CFAP65: variants seen among roughly 807,000 people sequenced by gnomAD.
The protein encoded by CFAP65 is cilia and flagella associated protein 65.
CFAP65 carries 155 observed loss-of-function variants against 208.0 expected under a neutral mutation model. The ratio of observed to expected loss-of-function variants is 0.75; its 90% CI spans 0.65 to 0.85. CFAP65 has a LOEUF of 0.85. Among genes scored for constraint, CFAP65 ranks in the 40% least tolerant of loss-of-function variants. CFAP65 has a pLI of 0.00. For synonymous variants in CFAP65, 970 were observed against 986.3 expected (o/e 0.98, Z 0.31); for missense variants, 2,294 against 2,451.3 (o/e 0.94, Z 1.36).
intron 13 of CFAP65, 193 bp downstream of exon 13, chr2:219,027,457 A>T (rs772647181): frequency 5.8e-6 from 9 of 1,539,208 alleles, no homozygotes; most frequent in Non-Finnish European, 7.9e-6. Flanking sequence ...AGAATGAGAA[A>T]ATCAGATGGG....
intron 4 of CFAP65, among the ~76,000 whole-genome samples, chr2:219,037,071 G>A (rs1174609763): frequency 1.3e-5 from 2 of 152,236 alleles, no homozygotes; most frequent in South Asian, 2.1e-4. Context: ...GCAGGAAAAC[G>A]GAAGCCACTC....
At chr2:219,036,947 T>C (rs1574657506) in intron 4 of CFAP65, among the ~76,000 whole-genome samples, 2 of 152,356 alleles carry the variant, frequency 1.3e-5, no homozygotes, top group Non-Finnish European at 1.5e-5. Context: ...TTACTGAGTG[T>C]GTCTGATGGC....
Position 219,003,074 on chromosome 2 carries a change from C to T in CFAP65, c.5694-53G>A. ...GTGGGGGCGAGGCTTCGGGCAGAGC[C>T]TGGCTGCCCCCGTGGCCCCTCTCGC... is the stretch of plus-strand genomic sequence containing the variant. On this transcript the variant is annotated intron_variant, in intron 34 of 34. Transcript: ENST00000341552. The surrounding 1 kb of genome is among the most constrained non-coding windows in gnomAD (Gnocchi z 4.4). 6.5e-7 allele frequency: 1 copy of T among 1,548,750 alleles called. No individual in the cohort carries two copies. Among genetic ancestry groups the T allele is most frequent in the Non-Finnish European group, 8.7e-7 (1 of 1,145,322 alleles).
chr2:219,011,836 T>G (rs1430653261), intron 24 of CFAP65, among the ~76,000 whole-genome samples: 1 of 152,214 alleles, frequency 6.6e-6, no homozygotes, highest in African/African-American at 2.4e-5. Flanking sequence ...GACCACCCTT[T>G]GAGCTCCAGA....
intron 4 of CFAP65, 69 bp from the exon 5 acceptor site, chr2:219,035,733 A>G: frequency 1.3e-6 from 2 of 1,529,636 alleles, no homozygotes; most frequent in Non-Finnish European, 1.7e-6. Flanking sequence ...CAAGACCCAG[A>G]GAACAGGTGA....
Position 219,024,353 on chromosome 2 carries a change from C to T in CFAP65, c.2350-93G>A, listed in dbSNP as rs1947476995. ...CCTATGGGGGCTTGGGAGGAGCTGT[C>T]TCCAAGTAGATCAGAGGTGCTGCCC... On this transcript the variant is annotated intron_variant, in intron 14 of 34. Transcript: ENST00000341552. The T allele has an allele frequency of 4.1e-6, 6 of 1,476,916 alleles. No homozygotes were observed. The Admixed American group carries it at 8.6e-5, about 21-fold the overall frequency. 91.5% of individuals were successfully genotyped at this position (1,476,916 alleles called of 1,614,324 possible). A position where few individuals can be genotyped will look rare whatever the true frequency, so the allele number is the denominator to read the frequency against.
chr2:219,022,054 C>G (rs1029131348), intron 17 of CFAP65, 117 bp downstream of exon 17: 2 of 1,500,834 alleles, frequency 1.3e-6, no homozygotes, highest in Admixed American at 3.8e-5. Flanking sequence ...GGGCAGAGGG[C>G]TCCTATCCTC....
chr2:219,022,147 T>C, intron 17 of CFAP65, 24 bp downstream of exon 17: 1 of 1,546,430 alleles, frequency 6.5e-7, no homozygotes, highest in Middle Eastern at 1.8e-4. Context: ...CCCAGCCCCC[T>C]CCTGCCAGAG....
chr2:219,024,712 G>A (rs891379429), intron 14 of CFAP65, among the ~76,000 whole-genome samples: 10 of 152,276 alleles, frequency 6.6e-5, no homozygotes, highest in Non-Finnish European at 8.8e-5. Flanking sequence ...TGAGGCAGGT[G>A]GATCACTTGT....
intron 18 of CFAP65, 46 bp downstream of exon 18, chr2:219,021,734 C>A: frequency 6.2e-7 from 1 of 1,604,866 alleles, no homozygotes; most frequent in African/African-American, 1.3e-5. Context: ...TAACCAGTAC[C>A]TCCTCCCACC....
In CFAP65 at chr2:219,003,087, T is replaced by C; in HGVS notation, c.5693+48A>G. The C allele has an allele frequency of 6.5e-7, 1 of 1,546,560 alleles. No homozygotes were observed. The highest frequency in any genetic ancestry group is 1.4e-5 in the African/African-American group (1 of 73,070). On this transcript the variant is annotated intron_variant, in intron 34 of 34. Transcript: ENST00000341552. This position sits in a 1 kb window ranked among gnomAD's most constrained non-coding sequence, Gnocchi z 4.4. Reference sequence around the variant, plus strand: ...TTCGGGCAGAGCCTGGCTGCCCCCGTGGCCCCTCTCGCGCGGTCTGCGCGG... The same window carrying C: ...TTCGGGCAGAGCCTGGCTGCCCCCGCGGCCCCTCTCGCGCGGTCTGCGCGG...
chr2:219,015,477 A>C (rs1350823353), intron 21 of CFAP65: 1 of 152,276 alleles, frequency 6.6e-6, no homozygotes, highest in East Asian at 1.9e-4. Context: ...GGGAGGCCTA[A>C]GTCCAAACCC....
intron 21 of CFAP65, chr2:219,015,469 G>A (rs1158906264): frequency 6.6e-6 from 1 of 152,202 alleles, no homozygotes; most frequent in Admixed American, 6.5e-5. Context: ...AGGAGTCAGG[G>A]AGGCCTAAGT....
intron 24 of CFAP65, among the ~76,000 whole-genome samples, chr2:219,012,621 T>A (rs1234781003): frequency 6.6e-6 from 1 of 152,244 alleles, no homozygotes; most frequent in Non-Finnish European, 1.5e-5. Context: ...TCTTGGAGAT[T>A]ACCAATCTAC....
intron 20 of CFAP65, 48 bp from the exon 21 acceptor site, chr2:219,019,227 C>A (rs903063610): frequency 6.4e-7 from 1 of 1,558,160 alleles, no homozygotes; most frequent in Non-Finnish European, 8.7e-7. Flanking sequence ...GGGGCCAGGG[C>A]AGGGCCCTCC....
At position 219,038,922 on chromosome 2, in the gene CFAP65, G is replaced by T. The variant is rs1466047134; in HGVS notation, c.127C>A (p.Gln43Lys). The change falls in exon 3 of 35, where the codon CAA becomes AAA. Residue 43 changes from glutamine (Q) to lysine (K), a missense_variant. Gln to Lys is a moderately conservative substitution (Grantham distance 53). Coordinates refer to ENST00000341552, the MANE Select transcript of CFAP65 (RefSeq NM_194302.4). ...LLRGKSVQKK[Q>K]AESKSQIKLH... The stretch of plus-strand genomic sequence containing the variant: ...TTTATCTGGCTTTTACTCTCTGCTT[G>T]TTTCTTCTGAACACTCTTGCCTCTT... The T allele has an allele frequency of 1.2e-6, 2 of 1,611,788 alleles. No individual in the cohort carries two copies. The highest frequency in any genetic ancestry group is 1.7e-6 in the Non-Finnish European group (2 of 1,179,126).
intron 15 of CFAP65, 67 bp downstream of exon 15, chr2:219,023,948 T>C (rs1947440744): frequency 6.4e-7 from 1 of 1,554,516 alleles, no homozygotes; most frequent in Non-Finnish European, 8.7e-7. Context: ...GAATATGGCC[T>C]TGAAAAGGGT....
At chr2:219,036,268 C>T (rs1381411604) in intron 4 of CFAP65, among the ~76,000 whole-genome samples, 3 of 152,068 alleles carry the variant, frequency 2.0e-5, no homozygotes, top group Non-Finnish European at 4.4e-5. Context: ...CTGCCATGTG[C>T]GGCGTCTCCA....
rs966339989 is a variant in CFAP65 at position 219,032,451 on chromosome 2, T to C, written c.645+19A>G. 1.3e-5 allele frequency: 21 copies of C among 1,563,942 alleles called. No individual in the cohort carries two copies. In the East Asian group the frequency reaches 4.7e-4, roughly 35 times the overall value. Reference sequence around the variant, plus strand: ...CTCCCAGGTACCTCCCTGCCCTCACTCGCTGTGGCAGACCTTACCGCCTCC... The same window carrying C: ...CTCCCAGGTACCTCCCTGCCCTCACCCGCTGTGGCAGACCTTACCGCCTCC... On this transcript the variant is annotated intron_variant, in intron 6 of 34. Coordinates refer to ENST00000341552, the MANE Select transcript of CFAP65 (RefSeq NM_194302.4). This position sits in a 1 kb window ranked among gnomAD's most constrained non-coding sequence, Gnocchi z 5.5.
Sources: allele counts gnomAD v4.1 joint callset (sites outside exome capture counted in the v4.1 genomes callset), GRCh38; gene constraint gnomAD v4.1.1; non-coding constraint Gnocchi (gnomAD v3.1); transcripts MANE v1.5; gene names NCBI Gene and HGNC (gene_info 2026-07-23, HGNC 2026-07-21).